The following SCML4 variants were observed in gnomAD, a reference collection of about 807,000 sequenced individuals.
The protein encoded by SCML4 is Scm polycomb group protein like 4, also known as sex comb on midleg-like protein 4.
A neutral mutation model predicts 41.1 loss-of-function variants in SCML4; 34 were observed. The ratio of observed to expected loss-of-function variants is 0.83; its 90% CI spans 0.63 to 1.10. The LOEUF is 1.10. SCML4 is among the 50% of genes least tolerant of loss of function. The pLI, the probability that SCML4 is intolerant of heterozygous loss-of-function variation, is 0.00. For synonymous variants in SCML4, 214 were observed against 220.9 expected, an observed-to-expected ratio of 0.97 and a Z score of 0.28; for missense variants, 522 against 534.1, an observed-to-expected ratio of 0.98 and a Z score of 0.22.
At chr6:107,832,403 C>A in the SCML4 span, among the ~76,000 whole-genome samples, 1 of 152,144 alleles carries the variant, frequency 6.6e-6, no homozygotes, top group Non-Finnish European at 1.5e-5. Context: ...TGCTTCCAGG[C>A]CACATGCTTC....
At chr6:107,736,669 G>C (rs980180098) in intron 5 of SCML4, among the ~76,000 whole-genome samples, 3 of 152,130 alleles carry the variant, frequency 2.0e-5, no homozygotes, top group Non-Finnish European at 4.4e-5. Context: ...ATGATCTTTT[G>C]TAAAGATAGA....
At chr6:107,774,565 C>T (rs1780768119) in intron 1 of SCML4, among the ~76,000 whole-genome samples, 1 of 152,192 alleles carries the variant, frequency 6.6e-6, no homozygotes, top group African/African-American at 2.4e-5. Flanking sequence ...TTGAACTATT[C>T]TCATCAAGTT....
At chr6:107,827,801 C>T (rs1785304601), upstream of SCML4, among the ~76,000 whole-genome samples, 1 of 152,162 alleles carries the variant, frequency 6.6e-6, no homozygotes, top group Non-Finnish European at 1.5e-5. Context: ...TTGGGGGCGT[C>T]CCAAATGCAA....
rs139508594 is a variant in SCML4, at chr6:107,750,637, C to T, written c.157-824G>A. ...ATTAAGTCAGTCTCTGGAAGTGAGACTCACACATCCGGAGTTTTTAAAGAT... is the reference window on the plus strand; with the variant it reads ...ATTAAGTCAGTCTCTGGAAGTGAGATTCACACATCCGGAGTTTTTAAAGAT... On this transcript the variant is annotated intron_variant, in intron 2 of 7. Coordinates refer to ENST00000369020, the MANE Select transcript of SCML4 (RefSeq NM_198081.5). Among the ~76,000 whole-genome samples, 286 of 152,322 alleles carry T rather than the reference C, an allele frequency of 1.9e-3. 1 individual carries two copies. Among genetic ancestry groups the T allele is most frequent in the African/African-American group, 6.4e-3 (265 of 41,566 alleles).
rs74938897 is a variant in SCML4, at chr6:107,820,481, C to T, written c.-60+3645G>A. Among the ~76,000 whole-genome samples, 1,235 of 152,290 alleles carry T rather than the reference C, an allele frequency of 8.1e-3. 16 individuals are homozygous for T. Among genetic ancestry groups the T allele is most frequent in the African/African-American group, 0.029 (1,185 of 41,546 alleles). ...ATGCTCCTGTCTGTGCCTCTTCAGA[C>T]ATTAATATATGCAGATCAGAGGAAG... On this transcript the variant is annotated intron_variant, in intron 1 of 7. Coordinates refer to ENST00000369020, the MANE Select transcript of SCML4 (RefSeq NM_198081.5).
chr6:107,771,106 C>A (rs556105567), intron 2 of SCML4, among the ~76,000 whole-genome samples: 3 of 152,256 alleles, frequency 2.0e-5, no homozygotes, highest in South Asian at 4.2e-4. Flanking sequence ...TTACTAAAAC[C>A]AATGACCCCA....
chr6:107,755,024 A>T (rs920095416), intron 2 of SCML4, among the ~76,000 whole-genome samples: 1 of 152,002 alleles, frequency 6.6e-6, no homozygotes, highest in Non-Finnish European at 1.5e-5. Context: ...GGATTGCTTG[A>T]ACCCAGGAGA....
intron 2 of SCML4, among the ~76,000 whole-genome samples, chr6:107,769,660 GTTA>G (rs1780358277): frequency 6.6e-6 from 1 of 151,998 alleles, no homozygotes; most frequent in African/African-American, 2.4e-5. Flanking sequence ...TTATAATAAT[GTTA>G]TTATTGATAT....
chr6:107,840,200 G>A, the SCML4 span, among the ~76,000 whole-genome samples: 1 of 138,392 alleles, frequency 7.2e-6, no homozygotes, highest in Non-Finnish European at 1.6e-5. Context: ...AATGGTAAAC[G>A]AGTGAATGAG....
intron 2 of SCML4, chr6:107,755,771 A>G (rs544615409): frequency 2.8e-6 from 1 of 358,920 alleles, no homozygotes; most frequent in Non-Finnish European, 4.6e-6. Flanking sequence ...AGGAAAAAAA[A>G]CTCCTTGCAG....
At chr6:107,841,237 A>G in the SCML4 span, among the ~76,000 whole-genome samples, 4 of 151,976 alleles carry the variant, frequency 2.6e-5, no homozygotes, top group African/African-American at 9.7e-5. Context: ...AGGTGGGAGG[A>G]TGGCTTGAGG....
chr6:107,747,729 GA>G (rs1778269858), intron 3 of SCML4, among the ~76,000 whole-genome samples: 1 of 152,002 alleles, frequency 6.6e-6, no homozygotes, highest in African/African-American at 2.4e-5. Flanking sequence ...CAATTAAAGA[GA>G]AAAAGAAATA....
At position 107,746,816 on chromosome 6, in the gene SCML4, C is replaced by T. The variant is rs748589627; in HGVS notation, c.360G>A (p.Glu120=). ...CCGATGGCCGCTCGGGCCCAAAATG[C>T]TCCGGGAGCTGCTGCACCTTCTTCC... ...LERKKVQQLP[E]HFGPERPSAV... is the part of the protein sequence containing the mutation. The change falls in exon 4 of 8, where the codon GAG becomes GAA. Residue 120 remains glutamate, a synonymous_variant. Coordinates refer to ENST00000369020, the MANE Select transcript of SCML4 (RefSeq NM_198081.5). 1.9e-6 allele frequency: 3 copies of T among 1,614,018 alleles called. No individual in the cohort carries two copies. In the African/African-American group the frequency reaches 4.0e-5, roughly 22 times the overall value.
At chr6:107,741,814 C>G (rs1777619609) in intron 5 of SCML4, among the ~76,000 whole-genome samples, 1 of 152,154 alleles carries the variant, frequency 6.6e-6, no homozygotes, top group Non-Finnish European at 1.5e-5. Flanking sequence ...GCAAATATAT[C>G]CAATAAAAGC....
At chr6:107,748,207 G>A (rs1778305437) in intron 3 of SCML4, among the ~76,000 whole-genome samples, 1 of 152,178 alleles carries the variant, frequency 6.6e-6, no homozygotes, top group Non-Finnish European at 1.5e-5. Flanking sequence ...AATAGTAGGT[G>A]TTATATTTTC....
chr6:107,826,522 A>C (rs1019659052), upstream of SCML4, among the ~76,000 whole-genome samples: 1 of 152,172 alleles, frequency 6.6e-6, no homozygotes, highest in Non-Finnish European at 1.5e-5. Flanking sequence ...TTTCTTAAGT[A>C]ATCAGAAATA....
chr6:107,821,549 G>A lies in SCML4; in HGVS notation c.-60+2577C>T, dbSNP rs118167758. On this transcript the variant is annotated intron_variant, in intron 1 of 7. Transcript: ENST00000369020. ...GCTCCATGATAATCAGATTAAAAGA[G>A]GGTCTTTTCTCATCTCCTTTCCCTT... Among the ~76,000 whole-genome samples, 390 of 152,280 alleles carry A rather than the reference G, an allele frequency of 2.6e-3. 1 individual carries two copies. The highest frequency in any genetic ancestry group is 8.6e-3 in the Admixed American group (132 of 15,300).
the SCML4 span, among the ~76,000 whole-genome samples, chr6:107,837,962 C>T: frequency 1.4e-5 from 2 of 141,302 alleles, no homozygotes; most frequent in African/African-American, 5.3e-5. Flanking sequence ...GGTTGGAGTG[C>T]AGTGGCACAA....
chr6:107,823,061 CA>C (rs1259870732), intron 1 of SCML4, among the ~76,000 whole-genome samples: 1 of 150,872 alleles, frequency 6.6e-6, no homozygotes, highest in African/African-American at 2.4e-5. Context: ...CCTCATTCTT[CA>C]AAAATGGTTC....
Sources: gnomAD v4.1 joint callset for allele counts (sites outside exome capture counted in the v4.1 genomes callset) on GRCh38, gnomAD v4.1.1 for gene constraint, MANE v1.5 for transcripts, NCBI Gene and HGNC (gene_info 2026-07-23, HGNC 2026-07-21) for gene names.